Variants in GUCY1A2 observed in about 807,000 individuals in gnomAD.
The protein encoded by GUCY1A2 is guanylate cyclase 1 soluble subunit alpha 2.
In GUCY1A2, 27 loss-of-function variants were observed where a neutral mutation model predicts 63.5. The observed-to-expected ratio is 0.43, with a 90% CI of 0.31 to 0.59. The LOEUF is 0.59. Ranked by LOEUF, GUCY1A2 falls within the 20% of genes least tolerant of loss-of-function variation. The pLI is 0.11. For synonymous variants in GUCY1A2, 364 were observed against 343.5 expected, an observed-to-expected ratio of 1.06 and a Z score of -0.66; for missense variants, 768 against 913.3, an observed-to-expected ratio of 0.84 and a Z score of 2.05.
intron 4 of GUCY1A2, among the ~76,000 whole-genome samples, chr11:106,823,714 T>A (rs1478705163): frequency 1.3e-5 from 2 of 152,146 alleles, no homozygotes; most frequent in African/African-American, 4.8e-5. Flanking sequence ...TTTCTCTGCA[T>A]CCACACAAAC....
chr11:106,827,313 A>G (rs926000330), intron 4 of GUCY1A2: 1 of 1,553,684 alleles, frequency 6.4e-7, no homozygotes, highest in Non-Finnish European at 8.9e-7. Flanking sequence ...TGAGCTTTGA[A>G]GTCAAGAATT....
chr11:106,723,194 C>T (rs1193296353), intron 6 of GUCY1A2, among the ~76,000 whole-genome samples: 1 of 152,178 alleles, frequency 6.6e-6, no homozygotes, highest in Non-Finnish European at 1.5e-5. Flanking sequence ...TAGCCATCAT[C>T]CCTGCTCCAT....
At chr11:106,963,896 T>G (rs1405746074) in intron 3 of GUCY1A2, among the ~76,000 whole-genome samples, 2 of 152,208 alleles carry the variant, frequency 1.3e-5, no homozygotes, top group Non-Finnish European at 2.9e-5. Flanking sequence ...TTGGAAATGT[T>G]TATTTTGATA....
chr11:106,844,346 T>C (rs1045654391), intron 4 of GUCY1A2, among the ~76,000 whole-genome samples: 2 of 151,836 alleles, frequency 1.3e-5, no homozygotes, highest in Non-Finnish European at 2.9e-5. Context: ...ATGTAGTATA[T>C]GTATTTATGA....
chr11:106,951,302 T>C (rs1394868718), intron 3 of GUCY1A2, among the ~76,000 whole-genome samples: 1 of 152,206 alleles, frequency 6.6e-6, no homozygotes, highest in Non-Finnish European at 1.5e-5. Flanking sequence ...TTCTAGATCC[T>C]TGAGGAATCG....
At chr11:106,836,588 A>G (rs1859120792) in intron 4 of GUCY1A2, among the ~76,000 whole-genome samples, 1 of 151,980 alleles carries the variant, frequency 6.6e-6, no homozygotes, top group Non-Finnish European at 1.5e-5. Context: ...TGTGGGCCCC[A>G]TGGTGTTATT....
At chr11:106,759,809 T>C (rs1476490976) in intron 6 of GUCY1A2, among the ~76,000 whole-genome samples, 1 of 152,114 alleles carries the variant, frequency 6.6e-6, no homozygotes, top group African/African-American at 2.4e-5. Context: ...GGGGCAGGCG[T>C]CTGTAATCCC....
chr11:106,901,960 G>A (rs1388889289), intron 4 of GUCY1A2, among the ~76,000 whole-genome samples: 1 of 152,046 alleles, frequency 6.6e-6, no homozygotes, highest in African/African-American at 2.4e-5. Context: ...ATTTATTGCG[G>A]CTTTATTCCA....
chr11:106,850,701 C>T (rs2135450269), intron 4 of GUCY1A2, among the ~76,000 whole-genome samples: 1 of 151,794 alleles, frequency 6.6e-6, no homozygotes. Context: ...TTTTTTATTT[C>T]ATTGTGTATA....
rs994949104 is a variant in GUCY1A2, at chr11:107,007,703, T to C, written c.303+10050A>G. Among the ~76,000 whole-genome samples the C allele has an allele frequency of 5.5e-4, 84 of 152,166 alleles. 1 individual carries two copies. Among genetic ancestry groups the C allele is most frequent in the Non-Finnish European group, 7.3e-5 (5 of 68,028 alleles). ...AAACAAGCAATTTCTAACTCTACACTTTTTTCAAGGACACTATCCCTCCCT... is the reference window on the plus strand; with the variant it reads ...AAACAAGCAATTTCTAACTCTACACCTTTTTCAAGGACACTATCCCTCCCT... On this transcript the variant is annotated intron_variant, in intron 1 of 7. Transcript: ENST00000526355.
chr11:106,797,327 C>T (rs1864783309), intron 5 of GUCY1A2, among the ~76,000 whole-genome samples: 1 of 152,042 alleles, frequency 6.6e-6, no homozygotes, highest in South Asian at 2.1e-4. Context: ...GAGCTGCGTT[C>T]CTTTGGAGGG....
At chr11:106,985,306 C>A (rs1159893336) in intron 2 of GUCY1A2, among the ~76,000 whole-genome samples, 1 of 152,194 alleles carries the variant, frequency 6.6e-6, no homozygotes, top group Non-Finnish European at 1.5e-5. Context: ...TAAATTTAAT[C>A]TAAAAGCTAG....
chr11:106,853,803 A>AT (rs36089924), intron 4 of GUCY1A2, among the ~76,000 whole-genome samples: 3 of 151,924 alleles, frequency 2.0e-5, no homozygotes, highest in Non-Finnish European at 4.4e-5. Context: ...GTCGGGAAAG[A>AT]TTTTTTTCCC....
intron 5 of GUCY1A2, among the ~76,000 whole-genome samples, chr11:106,795,163 T>C (rs1050876488): frequency 1.3e-5 from 2 of 152,196 alleles, no homozygotes; most frequent in African/African-American, 4.8e-5. Flanking sequence ...TACTCAGTTA[T>C]GTGACAAAGA....
intron 5 of GUCY1A2, among the ~76,000 whole-genome samples, chr11:106,809,699 T>C (rs1858738040): frequency 6.6e-6 from 1 of 152,124 alleles, no homozygotes; most frequent in Non-Finnish European, 1.5e-5. Flanking sequence ...GGTAAAAAGT[T>C]ACCTAGAATT....
At chr11:106,986,460 G>A (rs1861402652) in intron 1 of GUCY1A2, among the ~76,000 whole-genome samples, 1 of 152,136 alleles carries the variant, frequency 6.6e-6, no homozygotes, top group East Asian at 1.9e-4. Context: ...CAGGGAGGGT[G>A]CCCTGCAGAA....
intron 4 of GUCY1A2, among the ~76,000 whole-genome samples, chr11:106,867,754 G>A (rs1859615480): frequency 6.6e-6 from 1 of 151,968 alleles, no homozygotes; most frequent in Non-Finnish European, 1.5e-5. Flanking sequence ...GCAGATCACT[G>A]AATCGTTGAT....
At chr11:106,819,629 T>C (rs910301507) in intron 4 of GUCY1A2, among the ~76,000 whole-genome samples, 3 of 152,206 alleles carry the variant, frequency 2.0e-5, no homozygotes. Flanking sequence ...GACATAATGC[T>C]ATTGCAAACT....
chr11:106,872,941 C>A (rs541104201), intron 4 of GUCY1A2, among the ~76,000 whole-genome samples: 2 of 152,212 alleles, frequency 1.3e-5, no homozygotes, highest in African/African-American at 2.4e-5. Context: ...CCCGAAGAGG[C>A]CCTGGTGTGT....
Sources: allele counts gnomAD v4.1 joint callset (sites outside exome capture counted in the v4.1 genomes callset), GRCh38; gene constraint gnomAD v4.1.1; transcripts MANE v1.5; gene names NCBI Gene and HGNC (gene_info 2026-07-23, HGNC 2026-07-21).